The following STK32A variants were observed in gnomAD, a reference collection of about 807,000 sequenced individuals.
STK32A encodes the protein serine/threonine-protein kinase 32A.
STK32A carries 41 observed loss-of-function variants against 53.2 expected under a neutral mutation model. The observed-to-expected ratio is 0.77, with a 90% CI of 0.60 to 1.00. STK32A has a LOEUF of 1.00. Among genes scored for constraint, STK32A ranks in the 50% least tolerant of loss-of-function variants. STK32A has a pLI of 0.00. For synonymous variants in STK32A, 166 were observed against 162.8 expected (o/e 1.02, Z -0.15); for missense variants, 458 against 485.8 (o/e 0.94, Z 0.54).
At position 147,242,372 on chromosome 5, in the gene STK32A, T is replaced by G. The variant is rs146016204; in HGVS notation, c.52+2686T>G. 2.3e-4 allele frequency among the ~76,000 whole-genome samples: 35 copies of G among 152,352 alleles called. No individual in the cohort carries two copies. The East Asian group carries it at 5.8e-3, about 25-fold the overall frequency. Reference sequence around the variant, plus strand: ...CAAGTTGGTCCTTGCTCTGTCATTGTGAACCCCATGTTCTGATGATGGAAG... The same window carrying G: ...CAAGTTGGTCCTTGCTCTGTCATTGGGAACCCCATGTTCTGATGATGGAAG... On this transcript the variant is annotated intron_variant, in intron 2 of 12. Transcript: ENST00000397936.
At chr5:147,259,509 A>G (rs1358427958) in intron 2 of STK32A, among the ~76,000 whole-genome samples, 1 of 150,234 alleles carries the variant, frequency 6.7e-6, no homozygotes. Flanking sequence ...AAGACCTTCG[A>G]TTATCAGTTA....
chr5:147,264,761 C>T (rs945671383), intron 2 of STK32A, among the ~76,000 whole-genome samples: 1 of 152,092 alleles, frequency 6.6e-6, no homozygotes, highest in Non-Finnish European at 1.5e-5. Flanking sequence ...AAATTATACT[C>T]TTTAGGGACA....
At chr5:147,281,640 G>A (rs1752069841) in intron 4 of STK32A, among the ~76,000 whole-genome samples, 1 of 151,838 alleles carries the variant, frequency 6.6e-6, no homozygotes, top group Admixed American at 6.6e-5. Context: ...AATAATGGGT[G>A]TCCCTGAGGA....
At chr5:147,340,604 T>C (rs1755358193) in intron 5 of STK32A, among the ~76,000 whole-genome samples, 1 of 152,194 alleles carries the variant, frequency 6.6e-6, no homozygotes, top group Non-Finnish European at 1.5e-5. Flanking sequence ...CAATTTACCC[T>C]GTAGTGAATT....
rs560260756 is a variant in STK32A at position 147,350,482 on chromosome 5, C to G, written c.473-583C>G. On this transcript the variant is annotated intron_variant, in intron 6 of 12. Transcript: ENST00000397936. ...GTTCATGTGATTCTCCTGCCTCAGC[C>G]TCCCAAGTAGCTGGGATTACAGGCA... Among the ~76,000 whole-genome samples, 23 of 152,064 alleles carry G rather than the reference C, an allele frequency of 1.5e-4. No homozygotes were observed. In the South Asian group the frequency reaches 4.8e-3, roughly 32 times the overall value.
At chr5:147,239,883 G>A in intron 2 of STK32A, 197 bp downstream of exon 2, 1 of 562,594 alleles carries the variant, frequency 1.8e-6, no homozygotes, top group African/African-American at 1.9e-5. Flanking sequence ...ACCTTTGGCA[G>A]CTTTCCTAAT....
chr5:147,280,414 G>A (rs1294393156), intron 4 of STK32A, among the ~76,000 whole-genome samples: 3 of 150,632 alleles, frequency 2.0e-5, no homozygotes, highest in African/African-American at 4.9e-5. Context: ...GTTGGCGGGG[G>A]AGGGGGGTTG....
intron 2 of STK32A, among the ~76,000 whole-genome samples, chr5:147,242,133 A>G (rs1030671364): frequency 6.6e-6 from 1 of 152,154 alleles, no homozygotes; most frequent in African/African-American, 2.4e-5. Context: ...CTAGGTCACC[A>G]CCTTTTCTGT....
At chr5:147,254,147 T>C (rs1464657950) in intron 2 of STK32A, among the ~76,000 whole-genome samples, 2 of 152,218 alleles carry the variant, frequency 1.3e-5, no homozygotes, top group African/African-American at 4.8e-5. Flanking sequence ...TTTGATACTG[T>C]ACCATCTTAA....
At chr5:147,352,998 T>G (rs1756054347) in intron 7 of STK32A, among the ~76,000 whole-genome samples, 1 of 152,176 alleles carries the variant, frequency 6.6e-6, no homozygotes, top group Non-Finnish European at 1.5e-5. Context: ...TCAGAATCAC[T>G]GAGAGTGGAG....
intron 2 of STK32A, among the ~76,000 whole-genome samples, chr5:147,261,428 A>T (rs898890676): frequency 6.6e-6 from 1 of 152,036 alleles, no homozygotes; most frequent in Non-Finnish European, 1.5e-5. Flanking sequence ...CACAAACTAA[A>T]CTAATTCTGA....
At chr5:147,279,518 CAAGA>C in intron 4 of STK32A, 120 bp downstream of exon 4, 1 of 830,174 alleles carries the variant, frequency 1.2e-6, no homozygotes, top group Non-Finnish European at 1.8e-6. Context: ...GACACAATTG[CAAGA>C]AAGAGTTCAA....
intron 4 of STK32A, among the ~76,000 whole-genome samples, chr5:147,290,611 G>A (rs1407697289): frequency 6.6e-6 from 1 of 152,120 alleles, no homozygotes; most frequent in Non-Finnish European, 1.5e-5. Flanking sequence ...CTTTACTCAT[G>A]TCTTTGTCCC....
intron 4 of STK32A, among the ~76,000 whole-genome samples, chr5:147,304,959 TA>T: frequency 6.6e-6 from 1 of 151,946 alleles, no homozygotes; most frequent in South Asian, 2.1e-4. Flanking sequence ...AATATAAGAA[TA>T]AAATAATTAG....
intron 4 of STK32A, among the ~76,000 whole-genome samples, chr5:147,291,895 C>A (rs1244765665): frequency 6.6e-6 from 1 of 152,126 alleles, no homozygotes; most frequent in African/African-American, 2.4e-5. Context: ...TTAAGTGCAA[C>A]AAAAATAATG....
chr5:147,261,980 A>T (rs983386950), intron 2 of STK32A, among the ~76,000 whole-genome samples: 3 of 152,212 alleles, frequency 2.0e-5, no homozygotes, highest in Admixed American at 6.5e-5. Flanking sequence ...CTTAGCACTG[A>T]ATCAGAGAGA....
chr5:147,253,801 G>A (rs923545754), intron 2 of STK32A, among the ~76,000 whole-genome samples: 2 of 152,190 alleles, frequency 1.3e-5, no homozygotes, highest in African/African-American at 4.8e-5. Flanking sequence ...ACATGCCAGA[G>A]CTTTTGCTTA....
At chr5:147,275,182 T>A (rs1230536575) in intron 2 of STK32A, among the ~76,000 whole-genome samples, 1 of 152,130 alleles carries the variant, frequency 6.6e-6, no homozygotes, top group Non-Finnish European at 1.5e-5. Flanking sequence ...AATTCTGACT[T>A]CATCTCTCTC....
At chr5:147,255,634 T>C (rs967701521) in intron 2 of STK32A, among the ~76,000 whole-genome samples, 1 of 152,206 alleles carries the variant, frequency 6.6e-6, no homozygotes, top group Admixed American at 6.5e-5. Context: ...AGGTGCAACA[T>C]TGAGTTTTAA....
Sources: gnomAD v4.1 joint callset for allele counts (sites outside exome capture counted in the v4.1 genomes callset) on GRCh38, gnomAD v4.1.1 for gene constraint, MANE v1.5 for transcripts, NCBI Gene and HGNC (gene_info 2026-07-23, HGNC 2026-07-21) for gene names.